The following SH3BGRL2 variants were observed in gnomAD, a reference collection of about 807,000 sequenced individuals.
SH3BGRL2 encodes SH3 domain-binding glutamic acid-rich-like protein 2.
SH3BGRL2 carries 21 observed loss-of-function variants against 14.8 expected under a neutral mutation model. The observed-to-expected ratio is 1.42, with a 90% CI of 1.01 to 2.05. The LOEUF (loss-of-function observed/expected upper bound fraction) is 2.05, where lower values mean the gene tolerates loss of function less well. SH3BGRL2 is among the 30% of genes most tolerant of loss of function. SH3BGRL2 has a pLI of 0.00. For synonymous variants in SH3BGRL2, 50 were observed against 47.8 expected (o/e 1.05, Z -0.19); for missense variants, 147 against 130.8 (o/e 1.12, Z -0.61).
At chr6:79,691,377 T>C (rs1296536626) in intron 2 of SH3BGRL2, among the ~76,000 whole-genome samples, 2 of 151,946 alleles carry the variant, frequency 1.3e-5, no homozygotes, top group African/African-American at 2.4e-5. Context: ...TATTATACTT[T>C]AAGTTTTAGG....
At chr6:79,548,966 A>T in the SH3BGRL2 span, among the ~76,000 whole-genome samples, 1 of 152,230 alleles carries the variant, frequency 6.6e-6, no homozygotes, top group Non-Finnish European at 1.5e-5. Context: ...TAATTAATCC[A>T]ATGAATAAGA....
At chr6:79,564,715 T>A in the SH3BGRL2 span, among the ~76,000 whole-genome samples, 1 of 152,206 alleles carries the variant, frequency 6.6e-6, no homozygotes, top group Non-Finnish European at 1.5e-5. Flanking sequence ...TCTGAATCTT[T>A]TTAACATTCA....
chr6:79,646,511 G>GT (rs1769146843), intron 1 of SH3BGRL2, among the ~76,000 whole-genome samples: 1 of 152,146 alleles, frequency 6.6e-6, no homozygotes, highest in Non-Finnish European at 1.5e-5. Flanking sequence ...TGGGCTTCAG[G>GT]TTTTTTGTTG....
chr6:79,682,550 C>T lies in SH3BGRL2; in HGVS notation c.231+8751C>T, dbSNP rs116568327. 9.5e-3 allele frequency among the ~76,000 whole-genome samples: 1,450 copies of T among 152,136 alleles called. 26 individuals carry two copies. Among genetic ancestry groups the T allele is most frequent in the African/African-American group, 0.033 (1,362 of 41,530 alleles). ...TGGTGAGAAAATGCTAACATATCTCCTTGTCTCCTTTCATGACAAGATGAT... is the reference window on the plus strand; with the variant it reads ...TGGTGAGAAAATGCTAACATATCTCTTTGTCTCCTTTCATGACAAGATGAT... On this transcript the variant is annotated intron_variant, in intron 2 of 3. Coordinates refer to ENST00000369838, the MANE Select transcript of SH3BGRL2 (RefSeq NM_031469.4).
At chr6:79,639,231 A>G (rs989402101) in intron 1 of SH3BGRL2, among the ~76,000 whole-genome samples, 2 of 152,358 alleles carry the variant, frequency 1.3e-5, no homozygotes, top group Middle Eastern at 3.4e-3. Flanking sequence ...ATCATAGTGA[A>G]TGTTTCACTT....
the SH3BGRL2 span, among the ~76,000 whole-genome samples, chr6:79,613,576 A>G: frequency 6.6e-6 from 1 of 152,160 alleles, no homozygotes; most frequent in Non-Finnish European, 1.5e-5. Flanking sequence ...TACCTGTCAG[A>G]TAATTCGACT....
At chr6:79,582,547 A>G in the SH3BGRL2 span, among the ~76,000 whole-genome samples, 1 of 152,244 alleles carries the variant, frequency 6.6e-6, no homozygotes, top group Non-Finnish European at 1.5e-5. Flanking sequence ...AGGATTCCCT[A>G]TTTAATAAGT....
At chr6:79,599,563 GT>G in the SH3BGRL2 span, among the ~76,000 whole-genome samples, 392 of 152,124 alleles carry the variant, frequency 2.6e-3, 3 homozygotes, top group African/African-American at 8.9e-3. Context: ...TAGAGATGTG[GT>G]TTCACCATGT....
chr6:79,565,936 G>C, the SH3BGRL2 span, among the ~76,000 whole-genome samples: 1 of 152,148 alleles, frequency 6.6e-6, no homozygotes, highest in Admixed American at 6.5e-5. Context: ...GATTATTACT[G>C]GTGCTTTTTC....
intron 1 of SH3BGRL2, among the ~76,000 whole-genome samples, chr6:79,671,382 G>A (rs1456889846): frequency 1.3e-5 from 2 of 152,174 alleles, no homozygotes; most frequent in Non-Finnish European, 2.9e-5. Flanking sequence ...CCGGGAGGCG[G>A]AGGTTGAGGT....
chr6:79,680,320 A>T (rs1434781315), intron 2 of SH3BGRL2, among the ~76,000 whole-genome samples: 1 of 152,062 alleles, frequency 6.6e-6, no homozygotes, highest in Non-Finnish European at 1.5e-5. Context: ...AGTTTTCCCA[A>T]TACTGTTGAA....
the SH3BGRL2 span, among the ~76,000 whole-genome samples, chr6:79,588,319 C>T: frequency 1.6e-4 from 24 of 146,520 alleles, no homozygotes; most frequent in African/African-American, 5.5e-4. Context: ...TGGGCTAGAG[C>T]AGTAAATCAT....
chr6:79,691,333 T>A (rs1770209467), intron 2 of SH3BGRL2, among the ~76,000 whole-genome samples: 1 of 150,912 alleles, frequency 6.6e-6, no homozygotes, highest in Non-Finnish European at 1.5e-5. Context: ...GTTTGTTTTG[T>A]TTTTGTTTTT....
At chr6:79,587,997 G>A in the SH3BGRL2 span, among the ~76,000 whole-genome samples, 10 of 151,468 alleles carry the variant, frequency 6.6e-5, no homozygotes, top group Admixed American at 2.6e-4. Context: ...CCAACATGGC[G>A]AAACCCCGTC....
chr6:79,631,836 C>G lies in SH3BGRL2; in HGVS notation c.45+330C>G, dbSNP rs189924662. ...GTTGTTCAAGAGCTTCGGGGATCCC[C>G]CTTCCCCTAGTTTAGTTCTTCCCGA... On this transcript the variant is annotated intron_variant, in intron 1 of 3. Transcript: ENST00000369838. 2.3e-3 allele frequency among the ~76,000 whole-genome samples: 349 copies of G among 152,294 alleles called. 1 individual carries two copies. The highest frequency in any genetic ancestry group is 8.2e-3 in the African/African-American group (340 of 41,562).
At chr6:79,593,823 G>A in the SH3BGRL2 span, among the ~76,000 whole-genome samples, 93,045 of 151,946 alleles carry the variant, frequency 0.61, 29,310 homozygotes, top group East Asian at 0.93. Context: ...TATAGACAAA[G>A]CCATTTACAA....
At chr6:79,576,880 A>G in the SH3BGRL2 span, among the ~76,000 whole-genome samples, 1 of 152,236 alleles carries the variant, frequency 6.6e-6, no homozygotes, top group South Asian at 2.1e-4. Flanking sequence ...AACTTTACGT[A>G]CCCTCTGGTA....
chr6:79,595,395 G>C, the SH3BGRL2 span, among the ~76,000 whole-genome samples: 1 of 152,134 alleles, frequency 6.6e-6, no homozygotes, highest in Admixed American at 6.5e-5. Flanking sequence ...AACTGATAAA[G>C]ATATTCGGCT....
At chr6:79,563,001 G>A in the SH3BGRL2 span, among the ~76,000 whole-genome samples, 1 of 152,150 alleles carries the variant, frequency 6.6e-6, no homozygotes, top group Non-Finnish European at 1.5e-5. Context: ...TGTCACCCAG[G>A]CTGGAGTGCA....
Sources: gnomAD v4.1 joint callset for allele counts (sites outside exome capture counted in the v4.1 genomes callset) on GRCh38, gnomAD v4.1.1 for gene constraint, MANE v1.5 for transcripts, NCBI Gene and HGNC (gene_info 2026-07-23, HGNC 2026-07-21) for gene names.